The following CSMD1 variants were observed in gnomAD, a reference collection of about 807,000 sequenced individuals.
The protein encoded by CSMD1 is CUB and Sushi multiple domains 1, also known as CUB and sushi domain-containing protein 1.
In CSMD1, 213 loss-of-function variants were observed where a neutral mutation model predicts 417.5. The ratio of observed to expected loss-of-function variants is 0.51; its 90% CI spans 0.46 to 0.57. The LOEUF (loss-of-function observed/expected upper bound fraction) is 0.57, where lower values mean the gene tolerates loss of function less well. Ranked by LOEUF, CSMD1 falls within the 20% of genes least tolerant of loss-of-function variation. The pLI is 0.00. For synonymous variants in CSMD1, 2,862 were observed against 1,736.8 expected, an observed-to-expected ratio of 1.65 and a Z score of -16.11; for missense variants, 6,923 against 4,529.7, an observed-to-expected ratio of 1.53 and a Z score of -15.17.
At chr8:4,852,148 T>A (rs1044621589) in intron 1 of CSMD1, among the ~76,000 whole-genome samples, 2 of 152,218 alleles carry the variant, frequency 1.3e-5, no homozygotes, top group Non-Finnish European at 2.9e-5. Context: ...TATATGTTTG[T>A]TTACTCTAAT....
At chr8:3,403,417 T>C (rs1812157108) in intron 15 of CSMD1, among the ~76,000 whole-genome samples, 1 of 152,230 alleles carries the variant, frequency 6.6e-6, no homozygotes, top group African/African-American at 2.4e-5. Context: ...CTACCTTCTC[T>C]GAGGCTCAGC....
intron 2 of CSMD1, among the ~76,000 whole-genome samples, chr8:4,605,892 G>A (rs1377961248): frequency 6.6e-6 from 1 of 152,110 alleles, no homozygotes; most frequent in Non-Finnish European, 1.5e-5. Flanking sequence ...AGAGACATTT[G>A]GAATGTTCCC....
At chr8:4,252,636 G>A (rs1337855816) in intron 3 of CSMD1, among the ~76,000 whole-genome samples, 1 of 152,204 alleles carries the variant, frequency 6.6e-6, no homozygotes, top group Non-Finnish European at 1.5e-5. Flanking sequence ...GTCTCCAGAA[G>A]TAACACCCAG....
intron 26 of CSMD1, among the ~76,000 whole-genome samples, chr8:3,247,470 C>G (rs532140370): frequency 6.6e-6 from 1 of 152,316 alleles, no homozygotes; most frequent in East Asian, 1.9e-4. Context: ...GCCAAGCTGT[C>G]TACCCTCAGG....
chr8:4,743,703 C>T (rs549975576), intron 1 of CSMD1, among the ~76,000 whole-genome samples: 30 of 152,334 alleles, frequency 2.0e-4, no homozygotes, highest in African/African-American at 7.2e-4. Context: ...GCTCTAACCA[C>T]TTCTGGATGT....
At chr8:3,856,763 T>C (rs1043652026) in intron 5 of CSMD1, among the ~76,000 whole-genome samples, 4 of 152,192 alleles carry the variant, frequency 2.6e-5, no homozygotes, top group African/African-American at 9.6e-5. Context: ...ATGGTGTCTT[T>C]GTCTCTGAAG....
intron 5 of CSMD1, among the ~76,000 whole-genome samples, chr8:3,889,910 T>A (rs551756000): frequency 6.6e-6 from 1 of 152,110 alleles, no homozygotes; most frequent in African/African-American, 2.4e-5. Flanking sequence ...GAGTTGCGCA[T>A]AATGCCACAT....
At chr8:4,219,692 G>T (rs989572082) in intron 3 of CSMD1, among the ~76,000 whole-genome samples, 1 of 152,140 alleles carries the variant, frequency 6.6e-6, no homozygotes, top group Non-Finnish European at 1.5e-5. Flanking sequence ...CACAAGTCAA[G>T]AGTTTAAATA....
intron 5 of CSMD1, among the ~76,000 whole-genome samples, chr8:3,980,333 G>T (rs993424508): frequency 2.0e-5 from 3 of 152,092 alleles, no homozygotes; most frequent in African/African-American, 7.2e-5. Flanking sequence ...TCCGGAAGCA[G>T]TTCTGAGATA....
At chr8:3,698,409 G>A (rs923063441) in intron 7 of CSMD1, among the ~76,000 whole-genome samples, 1 of 152,068 alleles carries the variant, frequency 6.6e-6, no homozygotes, top group African/African-American at 2.4e-5. Flanking sequence ...TCTCCTTCTT[G>A]TTTTATTAAG....
chr8:4,144,488 C>G (rs79845176), intron 3 of CSMD1, among the ~76,000 whole-genome samples: 1 of 150,994 alleles, frequency 6.6e-6, no homozygotes, highest in Non-Finnish European at 1.5e-5. Flanking sequence ...AATGGATATC[C>G]GCTTGAGGGC....
intron 3 of CSMD1, among the ~76,000 whole-genome samples, chr8:4,304,802 T>G (rs1297410335): frequency 1.3e-5 from 2 of 152,218 alleles, no homozygotes; most frequent in East Asian, 3.8e-4. Context: ...AAGCCATACC[T>G]TGGTGCAGGT....
intron 3 of CSMD1, among the ~76,000 whole-genome samples, chr8:4,193,445 C>T (rs1300213844): frequency 6.6e-6 from 1 of 152,134 alleles, no homozygotes; most frequent in Non-Finnish European, 1.5e-5. Context: ...GGTACCCATG[C>T]CAGGTCATGT....
chr8:4,764,294 C>G lies in CSMD1; in HGVS notation c.86-126736G>C, dbSNP rs190296925. Reference sequence around the variant, plus strand: ...ATATTGGGGGTAGAGGTGAGACTATCTTTTTGAAAACATATAGTAGAGCAA... The same window carrying G: ...ATATTGGGGGTAGAGGTGAGACTATGTTTTTGAAAACATATAGTAGAGCAA... On this transcript the variant is annotated intron_variant, in intron 1 of 69. Coordinates refer to ENST00000635120, the MANE Select transcript of CSMD1 (RefSeq NM_033225.6). Among the ~76,000 whole-genome samples, 383 of 152,226 alleles carry G rather than the reference C, an allele frequency of 2.5e-3. 1 individual carries two copies. Among genetic ancestry groups the G allele is most frequent in the Non-Finnish European group, 2.7e-3 (185 of 68,020 alleles).
At chr8:4,318,187 G>T (rs961891832) in intron 3 of CSMD1, among the ~76,000 whole-genome samples, 1 of 151,976 alleles carries the variant, frequency 6.6e-6, no homozygotes, top group Non-Finnish European at 1.5e-5. Context: ...CCTTCTATGG[G>T]TTTACATGTG....
At chr8:3,551,859 C>T (rs1014292382) in intron 10 of CSMD1, among the ~76,000 whole-genome samples, 3 of 152,044 alleles carry the variant, frequency 2.0e-5, no homozygotes, top group African/African-American at 7.3e-5. Flanking sequence ...AAAGATGAGG[C>T]TGCCACTGTG....
intron 5 of CSMD1, among the ~76,000 whole-genome samples, chr8:3,896,577 T>C (rs979958573): frequency 8.6e-5 from 13 of 151,978 alleles, no homozygotes; most frequent in African/African-American, 2.7e-4. Context: ...AGTGGCGTGA[T>C]CTCGGCTCAC....
At chr8:4,501,315 C>G (rs911750395) in intron 2 of CSMD1, among the ~76,000 whole-genome samples, 1 of 152,008 alleles carries the variant, frequency 6.6e-6, no homozygotes, top group Non-Finnish European at 1.5e-5. Flanking sequence ...ATTGTTTTGT[C>G]TTAATGTAAG....
chr8:3,546,794 C>G (rs980561265), intron 10 of CSMD1, among the ~76,000 whole-genome samples: 1 of 152,168 alleles, frequency 6.6e-6, no homozygotes. Flanking sequence ...CAGGATTCTG[C>G]AGCTCCCTGA....
Sources: gnomAD v4.1 joint callset for allele counts (sites outside exome capture counted in the v4.1 genomes callset) on GRCh38, gnomAD v4.1.1 for gene constraint, MANE v1.5 for transcripts, NCBI Gene and HGNC (gene_info 2026-07-23, HGNC 2026-07-21) for gene names.